Variants in CELF1 observed in about 807,000 individuals in gnomAD.
CELF1 encodes the protein CUGBP Elav-like family member 1.
Under a neutral mutation model 61.8 loss-of-function variants are expected in CELF1, and 10 were observed. The ratio of observed to expected loss-of-function variants is 0.16; its 90% CI spans 0.10 to 0.27. The LOEUF is 0.27. Ranked by LOEUF, CELF1 falls within the 10% of genes least tolerant of loss-of-function variation. The pLI, the probability that CELF1 is intolerant of heterozygous loss-of-function variation, is 1.00. For missense variants in CELF1, 380 were observed against 639.1 expected, an observed-to-expected ratio of 0.59 and a Z score of 4.37; for synonymous variants, 236 against 225.1, an observed-to-expected ratio of 1.05 and a Z score of -0.43.
At position 47,466,530 on chromosome 11, in the gene CELF1, T is replaced by G. The variant is rs1037843737; in HGVS notation, c.*5700A>C. On this transcript the variant is annotated 3_prime_UTR_variant, in exon 15 of 15. Transcript: ENST00000687097. ...TACAACGTTTGTACCAATAAAAAAC[T>G]CACACAGGTTTGTCTCCAAAATGTA... 2 of 151,964 alleles carry G rather than the reference T, an allele frequency of 1.3e-5. No homozygotes were observed. Among genetic ancestry groups the G allele is most frequent in the Non-Finnish European group, 2.9e-5 (2 of 67,990 alleles). The allele number at this position is 151,964 out of a possible 1,614,324, so 9.4% of individuals were successfully genotyped here. A position where few individuals can be genotyped will look rare whatever the true frequency, so the allele number is the denominator to read the frequency against.
At chr11:47,526,657 GA>G (rs1484596981) in intron 1 of CELF1, among the ~76,000 whole-genome samples, 3 of 152,044 alleles carry the variant, frequency 2.0e-5, no homozygotes, top group Non-Finnish European at 2.9e-5. Context: ...CCACTATTAA[GA>G]AAAAACAAAA....
At chr11:47,544,417 A>G (rs914492974) in intron 1 of CELF1, among the ~76,000 whole-genome samples, 1 of 152,202 alleles carries the variant, frequency 6.6e-6, no homozygotes, top group African/African-American at 2.4e-5. Flanking sequence ...TCCACTTTAA[A>G]GACAGGAAAA....
At chr11:47,481,253 G>C (rs1000068775) in intron 9 of CELF1, among the ~76,000 whole-genome samples, 6 of 151,092 alleles carry the variant, frequency 4.0e-5, no homozygotes, top group African/African-American at 1.5e-4. Context: ...TCAGCTTCCC[G>C]AGCAGCTGGG....
chr11:47,540,741 G>A (rs975613627), intron 1 of CELF1, among the ~76,000 whole-genome samples: 3 of 152,156 alleles, frequency 2.0e-5, no homozygotes, highest in East Asian at 3.9e-4. Context: ...AAAATTACCC[G>A]GGCATGGTGG....
rs552246804 is a variant in CELF1 at position 47,485,274 on chromosome 11, G to A, written c.392-751C>T. Among the ~76,000 whole-genome samples, 359 of 152,228 alleles carry A rather than the reference G, an allele frequency of 2.4e-3. 1 individual carries two copies. The highest frequency in any genetic ancestry group is 3.4e-3 in the Middle Eastern group (1 of 294). On this transcript the variant is annotated intron_variant, in intron 6 of 14. Coordinates refer to ENST00000687097, the MANE Select transcript of CELF1 (RefSeq NM_001376376.1). Reference sequence around the variant, plus strand: ...TGGCTCACTACAGCCTTGACCTGCCGGGTTTAAGCAATCTTCCCACCTCAG... The same window carrying A: ...TGGCTCACTACAGCCTTGACCTGCCAGGTTTAAGCAATCTTCCCACCTCAG...
At chr11:47,480,068 C>T (rs1402547903) in intron 9 of CELF1, among the ~76,000 whole-genome samples, 3 of 151,942 alleles carry the variant, frequency 2.0e-5, no homozygotes, top group Non-Finnish European at 4.4e-5. Context: ...ATCACACAGT[C>T]CACTAGCACC....
intron 13 of CELF1, among the ~76,000 whole-genome samples, chr11:47,474,188 C>T (rs549683048): frequency 3.3e-5 from 5 of 152,326 alleles, no homozygotes; most frequent in East Asian, 3.9e-4. Context: ...CGAGCCACTG[C>T]GCCCAGCCTA....
rs1254792794 is a variant in CELF1 at position 47,499,563 on chromosome 11, G to A, written c.-40C>T. ...CTTCAGAAGCCAATGATATTAACTT[G>A]CTGCACTTGTCTGATCCACAAATAC... is the stretch of plus-strand genomic sequence containing the variant. On this transcript the variant is annotated 5_prime_UTR_variant, in exon 3 of 15. Transcript: ENST00000687097. 6.8e-7 allele frequency: 1 copy of A among 1,471,070 alleles called. No homozygotes were observed. The highest frequency in any genetic ancestry group is 1.2e-5 in the South Asian group (1 of 82,622). The allele number at this position is 1,471,070 out of a possible 1,614,324, so 91.1% of individuals were successfully genotyped here.
intron 1 of CELF1, among the ~76,000 whole-genome samples, chr11:47,519,747 C>CCGCTA (rs777719630): frequency 2.0e-4 from 31 of 152,066 alleles, no homozygotes; most frequent in Non-Finnish European, 3.7e-4. Context: ...CCTGTAGTCC[C>CCGCTA]CGCTACTCGG....
intron 2 of CELF1, among the ~76,000 whole-genome samples, chr11:47,560,371 G>A (rs949372588): frequency 2.7e-4 from 41 of 152,044 alleles, no homozygotes; most frequent in African/African-American, 9.4e-4. Flanking sequence ...TGGAGGATGC[G>A]CCACTGCACT....
At chr11:47,490,950 C>G (rs1206055335) in intron 3 of CELF1, among the ~76,000 whole-genome samples, 3 of 151,782 alleles carry the variant, frequency 2.0e-5, no homozygotes, top group Non-Finnish European at 4.4e-5. Flanking sequence ...CAACCTCTGC[C>G]TCCTAGGTTC....
chr11:47,547,419 C>T (rs1004389377), intron 1 of CELF1, among the ~76,000 whole-genome samples: 7 of 151,416 alleles, frequency 4.6e-5, no homozygotes, highest in Non-Finnish European at 8.8e-5. Context: ...GGTTCATGCC[C>T]GTAATCCCAG....
At chr11:47,489,827 C>A (rs1225162291) in intron 3 of CELF1, among the ~76,000 whole-genome samples, 2 of 151,896 alleles carry the variant, frequency 1.3e-5, no homozygotes, top group Admixed American at 6.6e-5. Context: ...ACCTTTAGAA[C>A]CTGAAGGATA....
At chr11:47,475,962 T>C (rs2079883230) in intron 12 of CELF1, among the ~76,000 whole-genome samples, 1 of 152,160 alleles carries the variant, frequency 6.6e-6, no homozygotes, top group Non-Finnish European at 1.5e-5. Context: ...TCTACTGTAC[T>C]ATGCAATGTG....
At chr11:47,495,650 A>G (rs1000187412) in intron 3 of CELF1, among the ~76,000 whole-genome samples, 1 of 152,186 alleles carries the variant, frequency 6.6e-6, no homozygotes, top group Non-Finnish European at 1.5e-5. Flanking sequence ...GAAAGGAGGT[A>G]CATGTAGAGT....
intron 2 of CELF1, among the ~76,000 whole-genome samples, chr11:47,562,859 T>C (rs1340796121): frequency 6.6e-6 from 1 of 151,946 alleles, no homozygotes; most frequent in African/African-American, 2.4e-5. Flanking sequence ...CGCCCACTAT[T>C]ATACCTGGCT....
chr11:47,502,531 T>A (rs1430822348), intron 1 of CELF1, among the ~76,000 whole-genome samples: 1 of 152,174 alleles, frequency 6.6e-6, no homozygotes, highest in Non-Finnish European at 1.5e-5. Context: ...TGTGTGTGTG[T>A]GTGTTTAATG....
At position 47,472,438 on chromosome 11, in the gene CELF1, T is replaced by C. The variant is rs113104585; in HGVS notation, c.1418-81A>G. The C allele has an allele frequency of 3.3e-5, 49 of 1,476,110 alleles. 1 individual carries two copies. Among genetic ancestry groups the C allele is most frequent in the Admixed American group, 3.2e-4 (17 of 53,742 alleles). The allele number at this position is 1,476,110 out of a possible 1,614,324, so 91.4% of individuals were successfully genotyped here. On this transcript the variant is annotated intron_variant, in intron 14 of 14. Transcript: ENST00000687097. ...AGTCCTCCTTATGCAAGATACCTTATGTGCTTCATCTCAAATCCCAATTTT... is the reference window on the plus strand; with the variant it reads ...AGTCCTCCTTATGCAAGATACCTTACGTGCTTCATCTCAAATCCCAATTTT...
intron 6 of CELF1, 40 bp from the exon 7 acceptor site, chr11:47,484,563 T>TAA (rs766030206): frequency 6.3e-7 from 1 of 1,578,244 alleles, no homozygotes; most frequent in Non-Finnish European, 8.6e-7. Context: ...TATTACTACT[T>TAA]AAAGAGGCAA....
Sources: gnomAD v4.1 joint callset for allele counts (sites outside exome capture counted in the v4.1 genomes callset) on GRCh38, gnomAD v4.1.1 for gene constraint, MANE v1.5 for transcripts, NCBI Gene and HGNC (gene_info 2026-07-23, HGNC 2026-07-21) for gene names.